HENMT1: variants seen among roughly 807,000 people sequenced by gnomAD.
HENMT1 encodes the protein small RNA 2'-O-methyltransferase.
In HENMT1, 27 loss-of-function variants were observed where a neutral mutation model predicts 31.1. That is an observed-to-expected ratio of 0.87 (90% CI 0.64 to 1.20). The LOEUF (loss-of-function observed/expected upper bound fraction) is 1.20, where lower values mean the gene tolerates loss of function less well. HENMT1 is among the 50% of genes most tolerant of loss of function. The probability of loss-of-function intolerance (pLI) is 0.00; values close to 1 mark genes in which losing one functional copy is unlikely to be tolerated. For missense variants in HENMT1, 438 were observed against 469.6 expected (o/e 0.93, Z 0.62); for synonymous variants, 167 against 172.2 (o/e 0.97, Z 0.24).
Position 108,648,891 on chromosome 1 carries a change from T to TGCCACTCTTAAGAGTGGCA in HENMT1, c.856_857insTGCCACTCTTAAGAGTGGC (p.His286LeufsTer20). The TGCCACTCTTAAGAGTGGCA allele has an allele frequency of 6.2e-7, 1 of 1,614,204 alleles. No individual in the cohort carries two copies. Among genetic ancestry groups the TGCCACTCTTAAGAGTGGCA allele is most frequent in the Non-Finnish European group, 8.5e-7 (1 of 1,180,034 alleles). On this transcript the variant is annotated frameshift_variant, in exon 8 of 8. Transcript: ENST00000651461. LOFTEE classifies it low-confidence loss of function (END_TRUNC). ...AGCCTGTTCTTTCCGCCTTGGCAGGTGGCTCACTCTTAAGCTTTCCACTTG... is the reference window on the plus strand; with the variant it reads ...AGCCTGTTCTTTCCGCCTTGGCAGGTGCCACTCTTAAGAGTGGCAGGCTCACTCTTAAGCTTTCCACTTG...
intron 7 of HENMT1, chr1:108,649,461 CAAAAA>C (rs1005869044): frequency 2.3e-6 from 1 of 436,966 alleles, no homozygotes; most frequent in African/African-American, 2.1e-5. Flanking sequence ...AAAAACAAAA[CAAAAA>C]AAAGCTGAGC....
Position 108,654,753 on chromosome 1 carries a change from G to A in HENMT1, c.361C>T (p.Arg121Cys), listed in dbSNP as rs370205325. 15 of 1,613,894 alleles carry A rather than the reference G, an allele frequency of 9.3e-6. No homozygotes were observed. Among genetic ancestry groups the A allele is most frequent in the Middle Eastern group, 1.6e-4 (1 of 6,084 alleles). ...YHGSVVERDS[R>C]LLGFDLITCI... ...GTTATCAAGTCAAATCCAAGCAAAC[G>A]AGAGTCTCTCTCCACAACGGAGCCA... is the stretch of plus-strand genomic sequence containing the variant. The change falls in exon 5 of 8, where the codon CGT (arginine) becomes TGT (cysteine). Residue 121 changes from arginine to cysteine, a missense_variant. Physicochemically the swap from Arg to Cys is radical, Grantham distance 180. Transcript: ENST00000651461.
At chr1:108,651,275 T>C in intron 5 of HENMT1, 66 bp from the exon 6 acceptor site, 3 of 1,354,104 alleles carry the variant, frequency 2.2e-6, no homozygotes, top group East Asian at 4.7e-5. Flanking sequence ...TTCTAATTGA[T>C]TTATCAAAAA....
rs139208659 is a variant in HENMT1 at position 108,658,070 on chromosome 1, TACACACAC to T, written c.22-499_22-492del. 4.9e-3 allele frequency among the ~76,000 whole-genome samples: 685 copies of T among 139,954 alleles called. 9 individuals carry two copies. The highest frequency in any genetic ancestry group is 0.015 in the Middle Eastern group (4 of 264). The allele number at this position is 139,954 out of a possible 152,430, so 91.8% of individuals were successfully genotyped here. On this transcript the variant is annotated intron_variant, in intron 2 of 7. Transcript: ENST00000651461. ...ATACACACACACACACATATATATG[TACACACAC>T]ACACACACACACACACATATATACA...
Position 108,648,862 on chromosome 1 carries a change from C to T in HENMT1, c.886G>A (p.Glu296Lys). The stretch of plus-strand genomic sequence containing the variant: ...ATGTCTTTGGGCTTATCACCCCGTT[C>T]CCCAGCCTGTTCTTTCCGCCTTGGC... ...HLPRRKEQAG[E>K]RGDKPKDIGG... Residue 296 changes from glutamate to lysine, a missense_variant, in exon 8 of 8, where the codon GAA (glutamate) becomes AAA (lysine). Glu to Lys is a moderately conservative substitution (Grantham distance 56). Transcript: ENST00000651461. 3.1e-6 allele frequency: 5 copies of T among 1,614,204 alleles called. No homozygotes were observed. Among genetic ancestry groups the T allele is most frequent in the Non-Finnish European group, 4.2e-6 (5 of 1,180,030 alleles).
At chr1:108,659,708 T>A (rs1030951302) in intron 2 of HENMT1, among the ~76,000 whole-genome samples, 156 bp downstream of exon 2, 3 of 152,242 alleles carry the variant, frequency 2.0e-5, no homozygotes, top group Admixed American at 1.3e-4. Context: ...ACACCAAATG[T>A]GACTCTTTCA....
chr1:108,652,757 A>G (rs1303838067), intron 5 of HENMT1, among the ~76,000 whole-genome samples: 1 of 152,086 alleles, frequency 6.6e-6, no homozygotes, highest in Non-Finnish European at 1.5e-5. Flanking sequence ...AGCCTGGCCA[A>G]TAGGGTGAAA....
chr1:108,654,472 G>T (rs190411318), intron 5 of HENMT1, among the ~76,000 whole-genome samples: 36 of 152,282 alleles, frequency 2.4e-4, no homozygotes, highest in African/African-American at 6.7e-4. Flanking sequence ...TAAAAAGTGA[G>T]ATGTTAACAT....
chr1:108,654,637 ATT>A, intron 5 of HENMT1, 77 bp downstream of exon 5: 1 of 1,411,558 alleles, frequency 7.1e-7, no homozygotes, highest in South Asian at 1.3e-5. Context: ...GACCTATTAT[ATT>A]TAGGACACTA....
At chr1:108,655,082 T>G (rs1658177953) in intron 4 of HENMT1, among the ~76,000 whole-genome samples, 1 of 152,230 alleles carries the variant, frequency 6.6e-6, no homozygotes, top group African/African-American at 2.4e-5. Flanking sequence ...ATTGTTATAT[T>G]GTTTTCATTT....
At position 108,650,324 on chromosome 1, in the gene HENMT1, C is replaced by T; in HGVS notation, c.643G>A (p.Ala215Thr). Residue 215 changes from alanine to threonine, a missense_variant, in exon 7 of 8, where the codon GCT becomes ACT. Transcript: ENST00000651461. ...CAGTATCCAACATTCTCAGCTCCAG[C>T]TGGTGGTTCCCCGACACCAGTAAAC... is the stretch of plus-strand genomic sequence containing the variant. ...VEFTGVGEPP[A>T]GAENVGYCTQ... 6.2e-7 allele frequency: 1 copy of T among 1,614,162 alleles called. No homozygotes were observed. The highest frequency in any genetic ancestry group is 8.5e-7 in the Non-Finnish European group (1 of 1,180,004).
At chr1:108,660,756 C>A (rs1557743666) in intron 1 of HENMT1, among the ~76,000 whole-genome samples, 2 of 151,700 alleles carry the variant, frequency 1.3e-5, no homozygotes, top group African/African-American at 4.8e-5. Context: ...AACCCCGTCT[C>A]TACTAAAAAT....
intron 1 of HENMT1, among the ~76,000 whole-genome samples, chr1:108,660,281 A>T (rs2101004655): frequency 6.6e-6 from 1 of 152,342 alleles, no homozygotes; most frequent in South Asian, 2.1e-4. Flanking sequence ...AAACAGGCTC[A>T]GAAAGCGTAA....
intron 3 of HENMT1, among the ~76,000 whole-genome samples, chr1:108,656,033 C>T (rs183408581): frequency 5.5e-4 from 83 of 152,264 alleles, no homozygotes; most frequent in Non-Finnish European, 1.1e-3. Context: ...TTTTCCCATT[C>T]AGAATCAGAA....
At chr1:108,649,140 T>A in intron 7 of HENMT1, 149 bp from the exon 8 acceptor site, 1 of 663,732 alleles carries the variant, frequency 1.5e-6, no homozygotes, top group Non-Finnish European at 2.6e-6. Flanking sequence ...GCCTCAGTTA[T>A]AATGGGAATC....
intron 2 of HENMT1, among the ~76,000 whole-genome samples, chr1:108,658,025 T>A (rs535465456): frequency 7.0e-4 from 79 of 113,316 alleles, no homozygotes; most frequent in East Asian, 1.5e-3. Flanking sequence ...GTACACACAC[T>A]TACACACACA....
At chr1:108,656,281 G>A (rs1420930474) in intron 3 of HENMT1, among the ~76,000 whole-genome samples, 3 of 152,128 alleles carry the variant, frequency 2.0e-5, no homozygotes. Flanking sequence ...AACAGTAGTG[G>A]TGGAGTTAAG....
chr1:108,658,135 T>TA (rs1349660500), intron 2 of HENMT1, among the ~76,000 whole-genome samples: 7 of 135,162 alleles, frequency 5.2e-5, no homozygotes, highest in South Asian at 2.3e-4. Flanking sequence ...ATATATATAT[T>TA]TTTTTTTTCC....
chr1:108,657,392 C>T (rs1658277224), intron 3 of HENMT1, 59 bp downstream of exon 3: 1 of 1,249,090 alleles, frequency 8.0e-7, no homozygotes, highest in Admixed American at 1.9e-5. Context: ...TGACAAAACA[C>T]CTCATATGAC....
Sources: gnomAD v4.1 joint callset for allele counts (sites outside exome capture counted in the v4.1 genomes callset) on GRCh38, gnomAD v4.1.1 for gene constraint, MANE v1.5 for transcripts, NCBI Gene and HGNC (gene_info 2026-07-23, HGNC 2026-07-21) for gene names.